MAP2: variants seen among roughly 807,000 people sequenced by gnomAD.
MAP2 encodes the protein microtubule associated protein 2.
A neutral mutation model predicts 137.6 loss-of-function variants in MAP2; 14 were observed. The observed-to-expected ratio is 0.10, with a 90% CI of 0.07 to 0.16. MAP2 has a LOEUF of 0.16. Among genes scored for constraint, MAP2 ranks in the 10% least tolerant of loss-of-function variants. MAP2 has a pLI of 1.00. For missense variants in MAP2, 2,088 were observed against 2,191.5 expected (o/e 0.95, Z 0.94); for synonymous variants, 786 against 782.3 (o/e 1.00, Z -0.08).
intron 2 of MAP2, among the ~76,000 whole-genome samples, chr2:209,550,226 C>T (rs1169276389): frequency 6.6e-6 from 1 of 152,086 alleles, no homozygotes; most frequent in Non-Finnish European, 1.5e-5. Flanking sequence ...CTGGCCTCTC[C>T]TCTGGGACCA....
intron 2 of MAP2, among the ~76,000 whole-genome samples, chr2:209,564,583 A>AAC (rs2072980176): frequency 1.4e-5 from 2 of 143,518 alleles, no homozygotes; most frequent in African/African-American, 5.3e-5. Context: ...AAAAAAAAAA[A>AAC]CCAAAAGCCA....
chr2:209,544,456 AG>A (rs898446261), intron 2 of MAP2, among the ~76,000 whole-genome samples: 1 of 152,076 alleles, frequency 6.6e-6, no homozygotes, highest in Non-Finnish European at 1.5e-5. Flanking sequence ...TATGAGCTTA[AG>A]GGCTTTAAAA....
At chr2:209,529,400 A>C (rs897042797) in intron 2 of MAP2, among the ~76,000 whole-genome samples, 1 of 152,222 alleles carries the variant, frequency 6.6e-6, no homozygotes, top group South Asian at 2.1e-4. Flanking sequence ...TGTATGTGTG[A>C]TTTGATGAAG....
chr2:209,699,791 A>G (rs2061286769), intron 10 of MAP2, among the ~76,000 whole-genome samples: 1 of 152,200 alleles, frequency 6.6e-6, no homozygotes, highest in Admixed American at 6.6e-5. Context: ...TGATCATGAC[A>G]GTTTGAAATG....
At position 209,546,004 on chromosome 2, in the gene MAP2, G is replaced by A. The variant is rs570221474; in HGVS notation, c.-171-34032G>A. 6.6e-4 allele frequency among the ~76,000 whole-genome samples: 101 copies of A among 152,234 alleles called. 1 individual carries two copies. Among genetic ancestry groups the A allele is most frequent in the Admixed American group, 1.4e-3 (21 of 15,298 alleles). On this transcript the variant is annotated intron_variant, in intron 2 of 15. Coordinates refer to ENST00000682079, the MANE Select transcript of MAP2 (RefSeq NM_001375505.1). ...AAAAATACAAAACAATTAGCCAGGC[G>A]TGGTGGCAGGTACCTGTAGTCCCAG...
At chr2:209,721,866 TTAGA>T (rs1422127472) in intron 13 of MAP2, 1 of 152,156 alleles carries the variant, frequency 6.6e-6, no homozygotes, top group African/African-American at 2.4e-5. Flanking sequence ...GCCAAAATAA[TTAGA>T]TACTTATTGA....
At chr2:209,565,356 T>C (rs931416010) in intron 2 of MAP2, among the ~76,000 whole-genome samples, 2 of 152,098 alleles carry the variant, frequency 1.3e-5, no homozygotes, top group Non-Finnish European at 2.9e-5. Context: ...TAGCTGGGAC[T>C]ACAGGTACAC....
intron 12 of MAP2, among the ~76,000 whole-genome samples, chr2:209,709,706 T>C (rs2064791561): frequency 1.3e-5 from 2 of 152,128 alleles, no homozygotes; most frequent in African/African-American, 2.4e-5. Flanking sequence ...TTTGTGTTGA[T>C]AGCAATGCAT....
At chr2:209,496,813 T>G (rs2059803198) in intron 1 of MAP2, among the ~76,000 whole-genome samples, 1 of 152,138 alleles carries the variant, frequency 6.6e-6, no homozygotes, top group South Asian at 2.1e-4. Flanking sequence ...TTTTTTTGTG[T>G]GTGTGAGACA....
intron 1 of MAP2, among the ~76,000 whole-genome samples, chr2:209,440,593 C>T (rs1697516560): frequency 6.6e-6 from 1 of 151,412 alleles, no homozygotes; most frequent in Admixed American, 6.6e-5. Flanking sequence ...TTACACAAAT[C>T]AGTCATCTTA....
intron 2 of MAP2, among the ~76,000 whole-genome samples, chr2:209,510,539 T>A (rs2061601835): frequency 6.6e-6 from 1 of 152,090 alleles, no homozygotes; most frequent in South Asian, 2.1e-4. Context: ...TCCCCAAAAT[T>A]ATATACCAAT....
At chr2:209,538,794 C>T (rs576612946) in intron 2 of MAP2, among the ~76,000 whole-genome samples, 211 of 152,032 alleles carry the variant, frequency 1.4e-3, no homozygotes, top group Non-Finnish European at 2.2e-3. Context: ...TAAAATCTGT[C>T]GCTGAATACC....
At chr2:209,543,397 A>G (rs927845023) in intron 2 of MAP2, among the ~76,000 whole-genome samples, 2 of 152,240 alleles carry the variant, frequency 1.3e-5, no homozygotes, top group Admixed American at 1.3e-4. Flanking sequence ...AATGTGACAC[A>G]GAAACAGTAA....
chr2:209,503,633 A>G (rs553899729), intron 1 of MAP2, among the ~76,000 whole-genome samples: 31 of 152,244 alleles, frequency 2.0e-4, no homozygotes, highest in African/African-American at 7.0e-4. Context: ...TGTAGTACCC[A>G]GTTTACCTAA....
At chr2:209,718,268 C>T (rs2068587471) in intron 13 of MAP2, among the ~76,000 whole-genome samples, 1 of 152,040 alleles carries the variant, frequency 6.6e-6, no homozygotes, top group South Asian at 2.1e-4. Flanking sequence ...ATTCACAAGC[C>T]AAACAAAGAC....
intron 3 of MAP2, among the ~76,000 whole-genome samples, chr2:209,612,401 C>CT (rs1299148247): frequency 6.6e-6 from 1 of 152,132 alleles, no homozygotes; most frequent in Non-Finnish European, 1.5e-5. Flanking sequence ...CACAAGAACA[C>CT]TGATTTCTTC....
At chr2:209,491,760 C>T (rs1317507551) in intron 1 of MAP2, among the ~76,000 whole-genome samples, 1 of 152,118 alleles carries the variant, frequency 6.6e-6, no homozygotes, top group Non-Finnish European at 1.5e-5. Flanking sequence ...AGTCGAATCC[C>T]TGAATAGATC....
intron 1 of MAP2, among the ~76,000 whole-genome samples, chr2:209,446,539 A>T (rs1420946896): frequency 6.6e-6 from 1 of 151,814 alleles, no homozygotes; most frequent in Admixed American, 6.6e-5. Flanking sequence ...AATGTAGAAA[A>T]TTTTTTATTT....
At chr2:209,644,396 G>C (rs2094259789) in intron 4 of MAP2, among the ~76,000 whole-genome samples, 1 of 152,092 alleles carries the variant, frequency 6.6e-6, no homozygotes, top group Admixed American at 6.6e-5. Flanking sequence ...CGGAGCATAT[G>C]AAATGGAGTT....
Sources: allele counts gnomAD v4.1 joint callset (sites outside exome capture counted in the v4.1 genomes callset), GRCh38; gene constraint gnomAD v4.1.1; transcripts MANE v1.5; gene names NCBI Gene and HGNC (gene_info 2026-07-23, HGNC 2026-07-21).